Variants in GSN observed in about 807,000 individuals in gnomAD.
GSN encodes the protein actin-depolymerizing factor.
A neutral mutation model predicts 85.7 loss-of-function variants in GSN; 56 were observed. The ratio of observed to expected loss-of-function variants is 0.65; its 90% CI spans 0.53 to 0.82. GSN has a LOEUF of 0.82. GSN is among the 40% of genes least tolerant of loss of function. GSN has a pLI of 0.00. For missense variants in GSN, 857 were observed against 979.8 expected, an observed-to-expected ratio of 0.87 and a Z score of 1.67; for synonymous variants, 373 against 399.1, an observed-to-expected ratio of 0.93 and a Z score of 0.78.
chr9:121,244,886 C>A (rs2054669285), intron 5 of GSN, among the ~76,000 whole-genome samples: 2 of 151,704 alleles, frequency 1.3e-5, no homozygotes, highest in African/African-American at 4.8e-5. Flanking sequence ...AAAATATTCC[C>A]ATAGCAAAAG....
intron 1 of GSN, among the ~76,000 whole-genome samples, chr9:121,274,823 G>A (rs2056467118): frequency 6.6e-6 from 1 of 152,228 alleles, no homozygotes; most frequent in South Asian, 2.1e-4. Flanking sequence ...TGAGGAGCCT[G>A]ATCAGATATC....
intron 6 of GSN, among the ~76,000 whole-genome samples, chr9:121,262,917 C>T (rs2055116686): frequency 6.6e-6 from 1 of 152,204 alleles, no homozygotes; most frequent in Non-Finnish European, 1.5e-5. Context: ...CCTCATTCAC[C>T]AATTCATTAA....
In GSN at chr9:121,328,944, C is replaced by A; in HGVS notation, c.1816C>A (p.Leu606Met). ...GGCTGCCTACCGCACATCCCCACGGCTGAAGGACAAGAAGATGGATGCCCA... is the reference window on the plus strand; with the variant it reads ...GGCTGCCTACCGCACATCCCCACGGATGAAGGACAAGAAGATGGATGCCCA... ...GKAAYRTSPR[L>M]KDKKMDAHPP... The change falls in exon 15 of 18, where the codon CTG becomes ATG. Residue 606 changes from leucine to methionine, a missense_variant. Transcript: ENST00000432226. 6.2e-7 allele frequency: 1 copy of A among 1,613,908 alleles called. No individual in the cohort carries two copies. The highest frequency in any genetic ancestry group is 8.5e-7 in the Non-Finnish European group (1 of 1,180,000).
chr9:121,320,065 G>A (rs1222247402), intron 10 of GSN, among the ~76,000 whole-genome samples: 1 of 152,196 alleles, frequency 6.6e-6, no homozygotes, highest in Non-Finnish European at 1.5e-5. Flanking sequence ...GCCTGACTGT[G>A]AGACTTTGGG....
chr9:121,292,362 G>A (rs190522700), intron 2 of GSN, among the ~76,000 whole-genome samples: 1 of 152,330 alleles, frequency 6.6e-6, no homozygotes, highest in African/African-American at 2.4e-5. Flanking sequence ...TACCAGCCTT[G>A]TTTGGAACCC....
chr9:121,220,201 G>C (rs886322158), intron 4 of GSN, among the ~76,000 whole-genome samples: 3 of 152,176 alleles, frequency 2.0e-5, no homozygotes, highest in African/African-American at 7.2e-5. Flanking sequence ...CTTTTCTTGA[G>C]TGTGTACTTT....
intron 4 of GSN, among the ~76,000 whole-genome samples, chr9:121,230,567 G>A (rs931274767): frequency 6.6e-6 from 1 of 152,142 alleles, no homozygotes; most frequent in African/African-American, 2.4e-5. Context: ...AAGAACCAAG[G>A]TCTCCTTTAA....
Position 121,332,447 on chromosome 9 carries a change from C to A in GSN, c.2040C>A (p.Ile680=). 1 of 1,614,094 alleles carries A rather than the reference C, an allele frequency of 6.2e-7. No individual in the cohort carries two copies. Among genetic ancestry groups the A allele is most frequent in the African/African-American group, 1.3e-5 (1 of 75,038 alleles). ...GTGTGTCTGCAGCTAAGCGGTACAT[C>A]GAGACGGACCCAGCCAATCGGGATC... The part of the protein sequence containing the change: ...TEALTSAKRY[I]ETDPANRDRR... The change falls in exon 18 of 18, where the codon ATC becomes ATA. Residue 680 remains isoleucine (I), a synonymous_variant. Coordinates refer to ENST00000432226, the MANE Select transcript of GSN (RefSeq NM_198252.3). The surrounding 1 kb of genome is among the most constrained non-coding windows in gnomAD (Gnocchi z 4.8).
In GSN at chr9:121,321,404, G is replaced by T; in HGVS notation, c.1325+3G>T. On this transcript the variant is annotated splice_donor_region_variant and intron_variant, in intron 11 of 17. Transcript: ENST00000432226. ...CAGGGGCAGATAATCTATAACTGGT[G>T]AGGTTCTGGGGCCATTGGTGTGTGT... 6.2e-7 allele frequency: 1 copy of T among 1,613,902 alleles called. No homozygotes were observed.
Position 121,324,559 on chromosome 9 carries a change from G to A in GSN, c.1331G>A (p.Gly444Asp). The change falls in exon 12 of 18, where the codon GGT (glycine) becomes GAT (aspartate). Residue 444 changes from glycine to aspartate, a missense_variant. Physicochemically the swap from Gly to Asp is moderately conservative, Grantham distance 94. Coordinates refer to ENST00000432226, the MANE Select transcript of GSN (RefSeq NM_198252.3). ...AATCTCACTTCCCCTTCCAGGCAGGGTGCCCAGTCTACCCAGGATGAGGTC... is the reference window on the plus strand; with the variant it reads ...AATCTCACTTCCCCTTCCAGGCAGGATGCCCAGTCTACCCAGGATGAGGTC... ...RQGQIIYNWQGAQSTQDEVAA... is the reference protein window; with the variant it reads ...RQGQIIYNWQDAQSTQDEVAA... 6.6e-7 allele frequency: 1 copy of A among 1,519,732 alleles called. No homozygotes were observed. The allele number at this position is 1,519,732 out of a possible 1,614,324, so 94.1% of individuals were successfully genotyped here.
At position 121,261,868 on chromosome 9, in the gene GSN, C is replaced by A. The variant is rs2055093284; in HGVS notation, c.-340-3286C>A. Among the ~76,000 whole-genome samples, 1 of 152,174 alleles carries A rather than the reference C, an allele frequency of 6.6e-6. No individual in the cohort carries two copies. Among genetic ancestry groups the A allele is most frequent in the African/African-American group, 2.4e-5 (1 of 41,442 alleles). The stretch of plus-strand genomic sequence containing the variant: ...CCATAATTCTTTGAGTGGATATTAT[C>A]ATCAGAGGAAGAAACCAAGGCTCAG... On this transcript the variant is annotated intron_variant, in intron 6 of 24. Coordinates refer to the GSN transcript ENST00000373823. This position sits in a 1 kb window ranked among gnomAD's most constrained non-coding sequence, Gnocchi z 4.1.
chr9:121,324,538 TCA>T lies in GSN; in HGVS notation c.1326-14_1326-13del. On this transcript the variant is annotated splice_polypyrimidine_tract_variant and intron_variant, in intron 11 of 17. Coordinates refer to ENST00000432226, the MANE Select transcript of GSN (RefSeq NM_198252.3). ...TCTGTGTGCACCCTGATGCTGAATC[TCA>T]CTTCCCCTTCCAGGCAGGGTGCCCA... is the stretch of plus-strand genomic sequence containing the variant. 1 of 1,390,546 alleles carries T rather than the reference TCA, an allele frequency of 7.2e-7. No individual in the cohort carries two copies. Among genetic ancestry groups the T allele is most frequent in the Non-Finnish European group, 1.0e-6 (1 of 1,001,934 alleles). The allele number at this position is 1,390,546 out of a possible 1,614,324, so 86.1% of individuals were successfully genotyped here.
At chr9:121,326,047 A>T (rs987227510) in intron 12 of GSN, among the ~76,000 whole-genome samples, 1 of 150,482 alleles carries the variant, frequency 6.6e-6, no homozygotes, top group African/African-American at 2.5e-5. Flanking sequence ...CACTCCCACC[A>T]CCAAGCCCCT....
At chr9:121,215,644 A>G (rs2054049757) in intron 4 of GSN, among the ~76,000 whole-genome samples, 1 of 152,030 alleles carries the variant, frequency 6.6e-6, no homozygotes, top group African/African-American at 2.4e-5. Flanking sequence ...CAGTGAGCCA[A>G]GATCGCGCCA....
intron 1 of GSN, among the ~76,000 whole-genome samples, chr9:121,278,850 T>C (rs2056985498): frequency 6.6e-6 from 1 of 152,232 alleles, no homozygotes; most frequent in Non-Finnish European, 1.5e-5. Flanking sequence ...ACTCAGCTCC[T>C]GGGGTGTGTC....
At chr9:121,238,603 AT>A in intron 5 of GSN, 2 of 235,318 alleles carry the variant, frequency 8.5e-6, no homozygotes, top group Non-Finnish European at 1.7e-5. Flanking sequence ...ATACTCCTTA[AT>A]AAATTCCCCT....
intron 4 of GSN, among the ~76,000 whole-genome samples, chr9:121,216,878 G>A (rs1296438582): frequency 6.6e-6 from 1 of 152,200 alleles, no homozygotes; most frequent in Non-Finnish European, 1.5e-5. Context: ...TCCAAGCGTT[G>A]CATTCTTCTG....
upstream of GSN, among the ~76,000 whole-genome samples, chr9:121,265,908 A>G (rs1391253268): frequency 6.6e-6 from 1 of 152,224 alleles, no homozygotes; most frequent in Non-Finnish European, 1.5e-5. Context: ...GCTATAAAAT[A>G]CACATGTTGA....
intron 10 of GSN, among the ~76,000 whole-genome samples, chr9:121,319,569 T>G (rs1335883246): frequency 6.6e-6 from 1 of 151,916 alleles, no homozygotes; most frequent in East Asian, 1.9e-4. Context: ...GCAATCCTCC[T>G]GCCTCGGCCC....
Sources: allele counts gnomAD v4.1 joint callset (sites outside exome capture counted in the v4.1 genomes callset), GRCh38; gene constraint gnomAD v4.1.1; non-coding constraint Gnocchi (gnomAD v3.1); transcripts MANE v1.5; gene names NCBI Gene and HGNC (gene_info 2026-07-23, HGNC 2026-07-21).